The following LARS2 variants were observed in gnomAD, a reference collection of about 807,000 sequenced individuals.
LARS2 encodes leucine--tRNA ligase, mitochondrial.
Under a neutral mutation model 116.6 loss-of-function variants are expected in LARS2, and 81 were observed. The ratio of observed to expected loss-of-function variants is 0.69; its 90% confidence interval spans 0.58 to 0.84. LARS2 has a LOEUF of 0.84. Among genes scored for constraint, LARS2 ranks in the 40% least tolerant of loss-of-function variants. LARS2 has a pLI of 0.00. For synonymous variants in LARS2, 396 were observed against 407.2 expected (o/e 0.97, Z 0.33); for missense variants, 968 against 1,114.5 (o/e 0.87, Z 1.87).
intron 6 of LARS2, among the ~76,000 whole-genome samples, chr3:45,428,443 C>T (rs1336517280): frequency 2.0e-5 from 3 of 151,038 alleles, no homozygotes; most frequent in South Asian, 2.1e-4. Flanking sequence ...GACAGGGTTT[C>T]ACCGTGTTAG....
In LARS2 at chr3:45,446,904, G is replaced by A. The variant is rs1220925976; in HGVS notation, c.530G>A (p.Cys177Tyr). ...CTTTGTTGGCAGGAAATAACTACGT[G>A]TTTGCCAGATTACTACAAGTGGACT... Reference protein sequence around the residue: ...CFSWDREITTCLPDYYKWTQY... With the variant: ...CFSWDREITTYLPDYYKWTQY... Residue 177 changes from cysteine to tyrosine, a missense_variant, in exon 7 of 22, where the codon TGT becomes TAT. Coordinates refer to ENST00000645846, the MANE Select transcript of LARS2 (RefSeq NM_015340.4). The A allele has an allele frequency of 3.7e-6, 6 of 1,608,190 alleles. No individual in the cohort carries two copies.
In LARS2 at chr3:45,491,669, C is replaced by A; in HGVS notation, c.1392C>A (p.Cys464Ter). 1.4e-5 allele frequency: 22 copies of A among 1,614,200 alleles called. No homozygotes were observed. Among genetic ancestry groups the A allele is most frequent in the Non-Finnish European group, 1.9e-5 (22 of 1,180,034 alleles). ...YWGTPIPIVH[C>*]PVCGPTPVPL... ...GCACACCAATCCCCATTGTCCACTG[C>A]CCAGTCTGTGGCCCCACACCTGTGC... The change falls in exon 13 of 22, where the codon TGC (cysteine) becomes TGA (stop). Residue 464 changes from cysteine to a stop codon, truncating the protein, a stop_gained. Transcript: ENST00000645846. LOFTEE classifies it high-confidence loss of function.
At chr3:45,536,048 G>A (rs1460212403) in intron 20 of LARS2, among the ~76,000 whole-genome samples, 1 of 152,072 alleles carries the variant, frequency 6.6e-6, no homozygotes, top group Non-Finnish European at 1.5e-5. Flanking sequence ...TCTAATTCTG[G>A]AAAATAATAT....
At chr3:45,400,405 G>A in intron 4 of LARS2, 32 bp downstream of exon 4, 2 of 1,571,824 alleles carry the variant, frequency 1.3e-6, no homozygotes, top group Non-Finnish European at 1.7e-6. Flanking sequence ...AGCAGCCCTT[G>A]TCTGCCACAC....
At chr3:45,487,896 A>G (rs1183820636) in intron 11 of LARS2, among the ~76,000 whole-genome samples, 1 of 152,174 alleles carries the variant, frequency 6.6e-6, no homozygotes, top group Non-Finnish European at 1.5e-5. Flanking sequence ...TTAAAGAATA[A>G]ATGTCTACTT....
intron 13 of LARS2, among the ~76,000 whole-genome samples, chr3:45,493,238 T>C (rs1328129685): frequency 2.0e-5 from 3 of 152,192 alleles, no homozygotes; most frequent in Non-Finnish European, 4.4e-5. Context: ...TAGCTGGGAC[T>C]ACAGGTGCCC....
intron 20 of LARS2, among the ~76,000 whole-genome samples, chr3:45,532,804 G>A (rs1463642262): frequency 2.6e-5 from 4 of 152,092 alleles, no homozygotes; most frequent in Non-Finnish European, 5.9e-5. Context: ...ACCATGCCCG[G>A]CTAATTTTTG....
intron 6 of LARS2, among the ~76,000 whole-genome samples, chr3:45,440,604 C>G (rs1191423201): frequency 6.6e-6 from 1 of 151,022 alleles, no homozygotes; most frequent in East Asian, 1.9e-4. Context: ...TTATTAAATT[C>G]CTGGTAGCTA....
intron 15 of LARS2, among the ~76,000 whole-genome samples, chr3:45,507,330 C>T (rs896187007): frequency 6.6e-6 from 1 of 152,038 alleles, no homozygotes; most frequent in African/African-American, 2.4e-5. Flanking sequence ...ATAAGAGCAG[C>T]TCTCATATAT....
At chr3:45,544,394 C>T (rs185087877) in intron 21 of LARS2, among the ~76,000 whole-genome samples, 2 of 152,358 alleles carry the variant, frequency 1.3e-5, no homozygotes, top group Admixed American at 1.3e-4. Context: ...AATGGAGGCA[C>T]ACACAGTGCC....
At chr3:45,508,687 G>A (rs1700234625) in intron 15 of LARS2, among the ~76,000 whole-genome samples, 2 of 152,058 alleles carry the variant, frequency 1.3e-5, no homozygotes, top group Admixed American at 1.3e-4. Context: ...CAGCAAGAAG[G>A]TGGGGCTCTG....
At chr3:45,494,746 G>A (rs1575291747) in intron 13 of LARS2, among the ~76,000 whole-genome samples, 1 of 152,164 alleles carries the variant, frequency 6.6e-6, no homozygotes, top group East Asian at 1.9e-4. Flanking sequence ...CAGTCCCACA[G>A]GCCCACAACT....
chr3:45,506,631 AG>A (rs1323858406), intron 15 of LARS2, among the ~76,000 whole-genome samples: 3 of 152,084 alleles, frequency 2.0e-5, no homozygotes, highest in African/African-American at 7.2e-5. Flanking sequence ...CTCAAGTAGC[AG>A]CTGTGAAACA....
chr3:45,549,183 G>A lies in LARS2; in HGVS notation c.*1653G>A, dbSNP rs1027828349. 2 of 152,232 alleles carry A rather than the reference G, an allele frequency of 1.3e-5. No homozygotes were observed. The highest frequency in any genetic ancestry group is 4.8e-5 in the African/African-American group (2 of 41,448). 9.4% of individuals were successfully genotyped at this position (152,232 alleles called of 1,614,324 possible). ...ACAAGTGATTCTAATGGGCAGCAAA[G>A]TTTGAGAATCACTGGACACATTGAT... On this transcript the variant is annotated 3_prime_UTR_variant, in exon 22 of 22. Transcript: ENST00000645846.
At chr3:45,429,698 C>CTTTTTTTTTT (rs35874596) in intron 6 of LARS2, among the ~76,000 whole-genome samples, 2 of 108,140 alleles carry the variant, frequency 1.8e-5, no homozygotes, top group East Asian at 2.8e-4. Flanking sequence ...CATCCTTCTG[C>CTTTTTTTTTT]TTTTTTTTTT....
At chr3:45,422,224 T>TC (rs965863036) in intron 6 of LARS2, 13 of 152,242 alleles carry the variant, frequency 8.5e-5, no homozygotes, top group African/African-American at 3.1e-4. Context: ...TGAGGTTTTT[T>TC]CATGTGTTTA....
At chr3:45,406,332 G>A (rs577583091) in intron 4 of LARS2, among the ~76,000 whole-genome samples, 125 of 152,254 alleles carry the variant, frequency 8.2e-4, no homozygotes, top group Non-Finnish European at 1.6e-3. Context: ...ATAGTCCTGC[G>A]TGAGGCTCAG....
chr3:45,396,247 G>C (rs1193244302), intron 3 of LARS2, among the ~76,000 whole-genome samples: 1 of 152,224 alleles, frequency 6.6e-6, no homozygotes, highest in East Asian at 1.9e-4. Context: ...TTTGAATCAA[G>C]GAATGGCAAA....
rs148410569 is a variant in LARS2 at position 45,509,794 on chromosome 3, G to A, written c.1761-3341G>A. On this transcript the variant is annotated intron_variant, in intron 15 of 21. Transcript: ENST00000645846. ...AGCAGGATTCTAGGAGCTGGGAAGC[G>A]CCCCTTTCCCCACTGGGAAATTCCA... Among the ~76,000 whole-genome samples, 588 of 152,062 alleles carry A rather than the reference G, an allele frequency of 3.9e-3. 10 individuals are homozygous for A. The highest frequency in any genetic ancestry group is 0.027 in the Middle Eastern group (8 of 294).
Sources: gnomAD v4.1 joint callset for allele counts (sites outside exome capture counted in the v4.1 genomes callset) on GRCh38, gnomAD v4.1.1 for gene constraint, MANE v1.5 for transcripts, NCBI Gene and HGNC (gene_info 2026-07-23, HGNC 2026-07-21) for gene names.